Variants in SPECC1L observed in about 807,000 individuals in gnomAD.
SPECC1L encodes cytospin-A.
A neutral mutation model predicts 116.8 loss-of-function variants in SPECC1L; 40 were observed. The observed-to-expected ratio is 0.34, with a 90% CI of 0.27 to 0.45. SPECC1L has a LOEUF of 0.45. SPECC1L is among the 20% of genes least tolerant of loss of function. The probability of loss-of-function intolerance (pLI) is 1.00; values close to 1 mark genes in which losing one functional copy is unlikely to be tolerated. For synonymous variants in SPECC1L, 504 were observed against 500.6 expected (o/e 1.01, Z -0.09); for missense variants, 1,110 against 1,373.6 (o/e 0.81, Z 3.03).
At chr22:24,271,817 G>T (rs2048733190) in intron 1 of SPECC1L, among the ~76,000 whole-genome samples, 1 of 152,202 alleles carries the variant, frequency 6.6e-6, no homozygotes, top group Non-Finnish European at 1.5e-5. Context: ...AAAGATTCCC[G>T]TGAACAGCCC....
intron 14 of SPECC1L, among the ~76,000 whole-genome samples, chr22:24,404,050 G>A (rs1329919515): frequency 6.6e-6 from 1 of 152,216 alleles, no homozygotes; most frequent in Non-Finnish European, 1.5e-5. Flanking sequence ...AACTGCAGGA[G>A]ATTGGAAGTC....
At chr22:24,372,066 C>T (rs1344631206) in intron 14 of SPECC1L, among the ~76,000 whole-genome samples, 1 of 152,132 alleles carries the variant, frequency 6.6e-6, no homozygotes, top group East Asian at 1.9e-4. Context: ...GAGGAAAGAT[C>T]TCAAAGCAGT....
At position 24,330,510 on chromosome 22, in the gene SPECC1L, GA is replaced by G. The variant is rs879199827; in HGVS notation, c.2396+85del. On this transcript the variant is annotated intron_variant, in intron 8 of 16. Transcript: ENST00000314328. Reference sequence around the variant, plus strand: ...TCCCAATTTTTGATGTGGTGCTATGGAAAAAATGTGGAGTTTGATACTTACT... The same window carrying G: ...TCCCAATTTTTGATGTGGTGCTATGGAAAAATGTGGAGTTTGATACTTACT... The G allele has an allele frequency of 5.5e-5, 82 of 1,488,430 alleles. No individual in the cohort carries two copies. In the South Asian group the frequency reaches 8.9e-4, roughly 16 times the overall value. 92.2% of individuals were successfully genotyped at this position (1,488,430 alleles called of 1,614,324 possible). A position where few individuals can be genotyped will look rare whatever the true frequency, so the allele number is the denominator to read the frequency against.
At chr22:24,275,425 G>A (rs141004416) in intron 1 of SPECC1L, among the ~76,000 whole-genome samples, 5,794 of 152,276 alleles carry the variant, frequency 0.038, 174 homozygotes, top group Non-Finnish European at 0.056. Flanking sequence ...TCTTGAAGGA[G>A]GGGAGTGTCT....
At chr22:24,377,195 A>G (rs2041987969) in intron 14 of SPECC1L, among the ~76,000 whole-genome samples, 1 of 152,140 alleles carries the variant, frequency 6.6e-6, no homozygotes, top group Admixed American at 6.5e-5. Flanking sequence ...ATTCCTTTTT[A>G]TGGCCAAACA....
chr22:24,352,738 A>G (rs888881395), intron 11 of SPECC1L, among the ~76,000 whole-genome samples: 1 of 152,198 alleles, frequency 6.6e-6, no homozygotes, highest in Non-Finnish European at 1.5e-5. Context: ...CCTGCACTTT[A>G]CAGTCTAATT....
chr22:24,330,396 A>G lies in SPECC1L; in HGVS notation c.2361A>G (p.Lys787=), dbSNP rs201234573. 9.3e-6 allele frequency: 15 copies of G among 1,613,992 alleles called. No individual in the cohort carries two copies. The highest frequency in any genetic ancestry group is 1.3e-5 in the Non-Finnish European group (15 of 1,180,008). The change falls in exon 8 of 17, where the codon AAA becomes AAG. Residue 787 remains lysine, a synonymous_variant. Coordinates refer to ENST00000314328, the MANE Select transcript of SPECC1L (RefSeq NM_015330.6). ...RLHEAQEKNE[K]LTKELEEIKS... ...ATGAGGCTCAAGAAAAAAATGAGAA[A>G]CTCACAAAAGAATTGGAGGAAATAA...
chr22:24,407,759 C>A (rs1043774892), intron 14 of SPECC1L, among the ~76,000 whole-genome samples: 6 of 152,114 alleles, frequency 3.9e-5, no homozygotes, highest in Non-Finnish European at 1.5e-5. Flanking sequence ...GCATTTTGGA[C>A]AAGGGGACCT....
chr22:24,379,471 A>C (rs1468710712), intron 14 of SPECC1L, among the ~76,000 whole-genome samples: 1 of 152,220 alleles, frequency 6.6e-6, no homozygotes, highest in Non-Finnish European at 1.5e-5. Flanking sequence ...TCAAACATTA[A>C]GTCAGTTATT....
rs555015869 is a variant in SPECC1L, at chr22:24,362,756, C to T, written c.2744-505C>T. ...CCCAGCTTAATGTCATTGGTTTTTTCGAAGCCTACCCTGCTGCCTGAAATC... is the reference window on the plus strand; with the variant it reads ...CCCAGCTTAATGTCATTGGTTTTTTTGAAGCCTACCCTGCTGCCTGAAATC... On this transcript the variant is annotated intron_variant, in intron 11 of 16. Transcript: ENST00000314328. 7.2e-5 allele frequency among the ~76,000 whole-genome samples: 11 copies of T among 152,172 alleles called. No individual in the cohort carries two copies. The East Asian group carries it at 1.5e-3, about 21-fold the overall frequency.
At chr22:24,388,129 C>T (rs1436520639) in intron 14 of SPECC1L, among the ~76,000 whole-genome samples, 2 of 151,798 alleles carry the variant, frequency 1.3e-5, no homozygotes, top group Non-Finnish European at 2.9e-5. Context: ...ATGTGCACAA[C>T]GTGCAGGTTA....
At chr22:24,332,360 A>T (rs1031262026) in intron 8 of SPECC1L, among the ~76,000 whole-genome samples, 5 of 152,340 alleles carry the variant, frequency 3.3e-5, no homozygotes, top group Admixed American at 6.5e-5. Context: ...TCAGTGAACC[A>T]GTATTTTCCT....
chr22:24,299,413 G>A (rs2049331149), intron 2 of SPECC1L, among the ~76,000 whole-genome samples: 1 of 152,048 alleles, frequency 6.6e-6, no homozygotes, highest in Non-Finnish European at 1.5e-5. Flanking sequence ...CTCCAGCATG[G>A]GTGACAGAGT....
chr22:24,389,153 T>A (rs973088859), intron 14 of SPECC1L, among the ~76,000 whole-genome samples: 5 of 150,228 alleles, frequency 3.3e-5, no homozygotes, highest in African/African-American at 1.2e-4. Context: ...TTCACTCTTG[T>A]CACCCAGGCT....
intron 14 of SPECC1L, among the ~76,000 whole-genome samples, chr22:24,391,185 T>C (rs958922461): frequency 1.3e-5 from 2 of 152,112 alleles, no homozygotes; most frequent in Non-Finnish European, 2.9e-5. Context: ...GGGCCTGTGT[T>C]CTTTACTGCA....
chr22:24,341,876 A>T (rs1205010046), intron 10 of SPECC1L, among the ~76,000 whole-genome samples: 1 of 152,232 alleles, frequency 6.6e-6, no homozygotes, highest in Non-Finnish European at 1.5e-5. Flanking sequence ...AAGTGTGGGA[A>T]CAGATCTTCT....
intron 14 of SPECC1L, among the ~76,000 whole-genome samples, chr22:24,382,286 G>A (rs2042076691): frequency 6.6e-6 from 1 of 152,218 alleles, no homozygotes; most frequent in African/African-American, 2.4e-5. Context: ...TGGGGTAGAG[G>A]CCAGACAAAG....
chr22:24,383,357 A>G (rs1473687529), intron 14 of SPECC1L, among the ~76,000 whole-genome samples: 1 of 152,196 alleles, frequency 6.6e-6, no homozygotes, highest in East Asian at 1.9e-4. Context: ...TGGGAGGATT[A>G]CTGGAGGCCA....
At chr22:24,278,252 A>G (rs944837080) in intron 2 of SPECC1L, among the ~76,000 whole-genome samples, 6 of 152,182 alleles carry the variant, frequency 3.9e-5, no homozygotes, top group African/African-American at 9.7e-5. Flanking sequence ...TCCCAGCTAC[A>G]TGGGAGGCTG....
Sources: gnomAD v4.1 joint callset for allele counts (sites outside exome capture counted in the v4.1 genomes callset) on GRCh38, gnomAD v4.1.1 for gene constraint, MANE v1.5 for transcripts, NCBI Gene and HGNC (gene_info 2026-07-23, HGNC 2026-07-21) for gene names.